PARD3B: variants seen among roughly 807,000 people sequenced by gnomAD.
PARD3B encodes the protein partitioning defective 3 homolog B.
In PARD3B, 103 loss-of-function variants were observed where a neutral mutation model predicts 130.2. The observed-to-expected ratio is 0.79, with a 90% CI of 0.67 to 0.93. The LOEUF (loss-of-function observed/expected upper bound fraction) is 0.93. PARD3B is among the 40% of genes least tolerant of loss of function. The pLI, the probability that PARD3B is intolerant of heterozygous loss-of-function variation, is 0.00. For synonymous variants in PARD3B, 583 were observed against 553.2 expected (o/e 1.05, Z -0.76); for missense variants, 1,609 against 1,499.2 (o/e 1.07, Z -1.21).
intron 2 of PARD3B, among the ~76,000 whole-genome samples, chr2:204,894,557 T>C (rs2046575757): frequency 6.6e-6 from 1 of 152,052 alleles, no homozygotes; most frequent in East Asian, 1.9e-4. Flanking sequence ...TCTGTGATTC[T>C]CTGAAATGGA....
Position 204,623,728 on chromosome 2 carries a change from G to A in PARD3B, c.121-62453G>A, listed in dbSNP as rs2034385343. ...TATAATACAGCAGTATTAACTATTG[G>A]CATAATGCTCCACAGCAGGTCTCTA... On this transcript the variant is annotated intron_variant, in intron 1 of 22. Transcript: ENST00000406610. This position sits in a 1 kb window ranked among gnomAD's most constrained non-coding sequence, Gnocchi z 4.5. Among the ~76,000 whole-genome samples, 1 of 152,004 alleles carries A rather than the reference G, an allele frequency of 6.6e-6. No homozygotes were observed. Among genetic ancestry groups the A allele is most frequent in the South Asian group, 2.1e-4 (1 of 4,810 alleles).
chr2:205,559,088 T>G (rs929136124), intron 22 of PARD3B, among the ~76,000 whole-genome samples: 1 of 152,188 alleles, frequency 6.6e-6, no homozygotes, highest in African/African-American at 2.4e-5. Flanking sequence ...TTGTTTTGTT[T>G]CCTCTACCCA....
intron 11 of PARD3B, among the ~76,000 whole-genome samples, chr2:205,164,630 T>C (rs923222166): frequency 2.0e-5 from 3 of 152,070 alleles, no homozygotes; most frequent in African/African-American, 7.2e-5. Context: ...TTTTGATGTG[T>C]ATTTTGGACT....
At chr2:204,893,264 A>G (rs972022751) in intron 2 of PARD3B, among the ~76,000 whole-genome samples, 1 of 152,182 alleles carries the variant, frequency 6.6e-6, no homozygotes. Flanking sequence ...GAGGTCACTG[A>G]TCATTCCCAG....
intron 4 of PARD3B, among the ~76,000 whole-genome samples, chr2:205,084,464 A>G (rs1701623506): frequency 6.6e-6 from 1 of 152,070 alleles, no homozygotes; most frequent in African/African-American, 2.4e-5. Flanking sequence ...CACAGGGTTC[A>G]GATGATAGCC....
chr2:205,361,514 A>G (rs1398054), intron 18 of PARD3B, among the ~76,000 whole-genome samples: 90,766 of 151,962 alleles, frequency 0.6, 30,521 homozygotes, highest in South Asian at 0.77. Context: ...TTTCTAACAC[A>G]TTCTCTATTC....
At chr2:204,964,452 A>C (rs1032354962) in intron 2 of PARD3B, among the ~76,000 whole-genome samples, 7 of 152,236 alleles carry the variant, frequency 4.6e-5, no homozygotes, top group African/African-American at 1.7e-4. Context: ...CATAGTTCTC[A>C]CGTAAAATAA....
At chr2:204,686,127 G>GT in intron 1 of PARD3B, 54 bp from the exon 2 acceptor site, 1 of 1,232,102 alleles carries the variant, frequency 8.1e-7, no homozygotes, top group South Asian at 1.3e-5. Flanking sequence ...ATTAAAATGT[G>GT]TTTAACTTTT....
intron 18 of PARD3B, among the ~76,000 whole-genome samples, chr2:205,365,382 G>GAAAA (rs11401922): frequency 1.4e-5 from 2 of 144,060 alleles, no homozygotes; most frequent in African/African-American, 2.6e-5. Context: ...CTCCGTCTCA[G>GAAAA]AAAAAAAAAA....
chr2:205,161,184 G>A (rs1223608054), intron 11 of PARD3B, among the ~76,000 whole-genome samples: 3 of 152,140 alleles, frequency 2.0e-5, no homozygotes, highest in Non-Finnish European at 2.9e-5. Context: ...TTAAGCTCAA[G>A]CAGATATTGG....
At chr2:204,641,489 A>G (rs1232652208) in intron 1 of PARD3B, among the ~76,000 whole-genome samples, 1 of 151,958 alleles carries the variant, frequency 6.6e-6, no homozygotes, top group Non-Finnish European at 1.5e-5. Context: ...TTGCACCTAA[A>G]TTAGTGTTAT....
At chr2:204,840,544 T>TA (rs1002211330) in intron 2 of PARD3B, among the ~76,000 whole-genome samples, 2 of 151,972 alleles carry the variant, frequency 1.3e-5, no homozygotes, top group African/African-American at 4.8e-5. Context: ...TTTTTTTTTT[T>TA]AACTATGGTC....
At chr2:205,578,173 A>G (rs1055871417) in intron 22 of PARD3B, among the ~76,000 whole-genome samples, 3 of 152,094 alleles carry the variant, frequency 2.0e-5, no homozygotes, top group Non-Finnish European at 2.9e-5. Flanking sequence ...CCAGGAATTG[A>G]TTTCCCCACA....
intron 2 of PARD3B, among the ~76,000 whole-genome samples, chr2:204,775,385 T>G (rs1161163210): frequency 6.6e-6 from 1 of 152,190 alleles, no homozygotes; most frequent in Non-Finnish European, 1.5e-5. Context: ...AATGGTCAGG[T>G]GACAGAAACC....
At chr2:204,733,167 G>C (rs1227184828) in intron 2 of PARD3B, among the ~76,000 whole-genome samples, 1 of 150,054 alleles carries the variant, frequency 6.7e-6, no homozygotes, top group Admixed American at 6.7e-5. Context: ...CATCAAAAAA[G>C]AATAACGACT....
chr2:204,857,921 A>C (rs2045019317), intron 2 of PARD3B, among the ~76,000 whole-genome samples: 1 of 152,204 alleles, frequency 6.6e-6, no homozygotes, highest in African/African-American at 2.4e-5. Flanking sequence ...GAATGAGACA[A>C]ACATATCCTT....
chr2:205,250,797 C>T (rs896682494), intron 16 of PARD3B, among the ~76,000 whole-genome samples: 1 of 152,032 alleles, frequency 6.6e-6, no homozygotes, highest in African/African-American at 2.4e-5. Context: ...GGCATGGTGG[C>T]CCATGCCTGT....
At chr2:205,141,372 G>A (rs1455712398) in intron 10 of PARD3B, among the ~76,000 whole-genome samples, 1 of 152,220 alleles carries the variant, frequency 6.6e-6, no homozygotes, top group Non-Finnish European at 1.5e-5. Context: ...TGCTCCCTGA[G>A]TGAATTTAAA....
chr2:204,951,861 C>A (rs1689802824), intron 2 of PARD3B, among the ~76,000 whole-genome samples: 1 of 152,150 alleles, frequency 6.6e-6, no homozygotes, highest in Non-Finnish European at 1.5e-5. Flanking sequence ...GTCAAAGACG[C>A]ATGCTCACAG....
Sources: gnomAD v4.1 joint callset for allele counts (sites outside exome capture counted in the v4.1 genomes callset) on GRCh38, gnomAD v4.1.1 for gene constraint, Gnocchi (gnomAD v3.1) non-coding constraint, MANE v1.5 for transcripts, NCBI Gene and HGNC (gene_info 2026-07-23, HGNC 2026-07-21) for gene names.